The following TH variants were observed in gnomAD, a reference collection of about 807,000 sequenced individuals.
TH encodes the protein tyrosine hydroxylase.
TH carries 49 observed loss-of-function variants against 57.4 expected under a neutral mutation model. The ratio of observed to expected loss-of-function variants is 0.85; its 90% confidence interval spans 0.68 to 1.08. The LOEUF (loss-of-function observed/expected upper bound fraction) is 1.08, where lower values mean the gene tolerates loss of function less well. Ranked by LOEUF, TH falls within the 50% of genes least tolerant of loss-of-function variation. The pLI, the probability that TH is intolerant of heterozygous loss-of-function variation, is 0.00. For missense variants in TH, 720 were observed against 696.7 expected, an observed-to-expected ratio of 1.03 and a Z score of -0.38; for synonymous variants, 330 against 304.5, an observed-to-expected ratio of 1.08 and a Z score of -0.87.
At chr11:2,166,301 C>A (rs1846088209) in intron 9 of TH, 179 bp downstream of exon 9, 1 of 959,618 alleles carries the variant, frequency 1.0e-6, no homozygotes, top group Non-Finnish European at 1.5e-6. Flanking sequence ...GCAGCACAGG[C>A]CGTGGGAGGC....
At chr11:2,168,251 G>A in intron 3 of TH, 72 bp from the exon 4 acceptor site, 1 of 1,535,022 alleles carries the variant, frequency 6.5e-7, no homozygotes, top group Admixed American at 1.7e-5. Flanking sequence ...CCTTGAAGCA[G>A]CCTCCCCTAC....
At position 2,170,774 on chromosome 11, in the gene TH, G is replaced by T. The variant is rs1036726742; in HGVS notation, c.91-903C>A. On this transcript the variant is annotated intron_variant, in intron 1 of 12. Transcript: ENST00000352909. This position sits in a 1 kb window ranked among gnomAD's most constrained non-coding sequence, Gnocchi z 6.0. ...TGAGGCTGGGCCCCGGGGCGCCCTG[G>T]GGAGGGGATGCCTGATGGGGAGCCT... is the stretch of plus-strand genomic sequence containing the variant. The T allele has an allele frequency of 6.4e-7, 1 of 1,554,516 alleles. No individual in the cohort carries two copies. Among genetic ancestry groups the T allele is most frequent in the Non-Finnish European group, 8.6e-7 (1 of 1,156,336 alleles).
In TH at chr11:2,168,571, A is replaced by T. The variant is rs1590169802; in HGVS notation, c.407T>A (p.Val136Glu). The change falls in exon 3 of 13, where the codon GTG becomes GAG. Residue 136 changes from valine to glutamate, a missense_variant. Transcript: ENST00000352909. Reference sequence around the variant, plus strand: ...CAGGGCGGCCAGGTCCCCTCGGCGCACCTCGAGGCGCACGAAGTACTCCAG... The same window carrying T: ...CAGGGCGGCCAGGTCCCCTCGGCGCTCCTCGAGGCGCACGAAGTACTCCAG... ...PHLEYFVRLEVRRGDLAALLS... is the reference protein window; with the variant it reads ...PHLEYFVRLEERRGDLAALLS... 2 of 1,611,690 alleles carry T rather than the reference A, an allele frequency of 1.2e-6. No homozygotes were observed. The highest frequency in any genetic ancestry group is 4.5e-5 in the East Asian group (2 of 44,826).
Position 2,168,573 on chromosome 11 carries a change from CT to C in TH, c.404del (p.Glu135GlyfsTer71). ...GPHLEYFVRL[E>X]VRRGDLAALL... is the part of the protein sequence containing the mutation. ...GGGCGGCCAGGTCCCCTCGGCGCACCTCGAGGCGCACGAAGTACTCCAGGTG... is the reference window on the plus strand; with the variant it reads ...GGGCGGCCAGGTCCCCTCGGCGCACCCGAGGCGCACGAAGTACTCCAGGTG... On this transcript the variant is annotated frameshift_variant, in exon 3 of 13. Transcript: ENST00000352909. LOFTEE classifies it high-confidence loss of function. 1.9e-6 allele frequency: 3 copies of C among 1,611,840 alleles called. No homozygotes were observed. Among genetic ancestry groups the C allele is most frequent in the Non-Finnish European group, 2.5e-6 (3 of 1,179,680 alleles).
Position 2,166,563 on chromosome 11 carries a change from G to A in TH, c.978-14C>T, listed in dbSNP as rs781570336. The A allele has an allele frequency of 6.3e-7, 1 of 1,598,542 alleles. No homozygotes were observed. The highest frequency in any genetic ancestry group is 8.5e-7 in the Non-Finnish European group (1 of 1,174,662). ...TGGCAGCAGTCCCTGCGCGTAGGAG[G>A]GAGAAGGGGGCTGAGGGGCCGCCCG... On this transcript the variant is annotated splice_polypyrimidine_tract_variant and intron_variant, in intron 8 of 12. Transcript: ENST00000352909.
At position 2,164,117 on chromosome 11, in the gene TH, C is replaced by A; in HGVS notation, c.*116G>T. 1.0e-6 allele frequency: 1 copy of A among 962,432 alleles called. No homozygotes were observed. The allele number at this position is 962,432 out of a possible 1,614,324, so 59.6% of individuals were successfully genotyped here. ...AAGCAGGTGCAGGGGCAGTGGGAGC[C>A]TGGCAGCAGGGAGGGCATGGGGGGC... On this transcript the variant is annotated 3_prime_UTR_variant, in exon 13 of 13. Coordinates refer to ENST00000352909, the MANE Select transcript of TH (RefSeq NM_000360.4).
Position 2,164,100 on chromosome 11 carries a change from G to A in TH, c.*133C>T. 1 of 777,766 alleles carries A rather than the reference G, an allele frequency of 1.3e-6. No individual in the cohort carries two copies. Among genetic ancestry groups the A allele is most frequent in the Non-Finnish European group, 1.8e-6 (1 of 553,272 alleles). The allele number at this position is 777,766 out of a possible 1,614,324, so 48.2% of individuals were successfully genotyped here. A position where few individuals can be genotyped will look rare whatever the true frequency, so the allele number is the denominator to read the frequency against. ...ACAGCTGTTGCGCTGAGAAGCAGGT[G>A]CAGGGGCAGTGGGAGCCTGGCAGCA... On this transcript the variant is annotated 3_prime_UTR_variant, in exon 13 of 13. Transcript: ENST00000352909.
At chr11:2,165,498 C>T in intron 11 of TH, 133 bp from the exon 12 acceptor site, 1 of 1,453,432 alleles carries the variant, frequency 6.9e-7, no homozygotes, top group East Asian at 2.4e-5. Flanking sequence ...CCTTCGGAGG[C>T]CTGGGATAAT....
At chr11:2,168,849 G>C in intron 2 of TH, 184 bp from the exon 3 acceptor site, 2 of 756,206 alleles carry the variant, frequency 2.6e-6, no homozygotes, top group Non-Finnish European at 4.3e-6. Flanking sequence ...ACCAGGCCAG[G>C]GTTTGCCACT....
At chr11:2,167,664 G>C (rs1218306185) in intron 5 of TH, 179 bp from the exon 6 acceptor site, 2 of 1,064,808 alleles carry the variant, frequency 1.9e-6, no homozygotes, top group Non-Finnish European at 2.7e-6. Context: ...ATGTGGCCTC[G>C]GCAGGTTGCT....
rs1285403742 is a variant in TH, at chr11:2,166,975, G to C, written c.753C>G (p.His251Gln). The change falls in exon 7 of 13, where the codon CAC (histidine) becomes CAG (glutamine). Residue 251 changes from histidine to glutamine, a missense_variant. Physicochemically the swap from His to Gln is conservative, Grantham distance 24. Coordinates refer to ENST00000352909, the MANE Select transcript of TH (RefSeq NM_000360.4). Reference protein sequence around the residue: ...GLYATHACGEHLEAFALLERF... With the variant: ...GLYATHACGEQLEAFALLERF... ...GCTCCAGCAAAGCAAAGGCCTCCAG[G>C]TGCTCCCCGCAGGCGTGCGTGGCGT... The C allele has an allele frequency of 1.3e-6, 2 of 1,593,670 alleles. No individual in the cohort carries two copies. The highest frequency in any genetic ancestry group is 4.6e-5 in the East Asian group (2 of 43,922).
At position 2,167,928 on chromosome 11, in the gene TH, G is replaced by A. The variant is rs555133070; in HGVS notation, c.582C>T (p.Phe194=). ...TGCGCTGGCGGTACACCTGGTCCGAGAAGCCCTGAGGGCAGAGGGGATGCA... is the reference window on the plus strand; with the variant it reads ...TGCGCTGGCGGTACACCTGGTCCGAAAAGCCCTGAGGGCAGAGGGGATGCA... ...DPDLDLDHPG[F]SDQVYRQRRK... The change falls in exon 5 of 13, where the codon TTC becomes TTT. Residue 194 remains phenylalanine, a synonymous_variant. Transcript: ENST00000352909. The A allele has an allele frequency of 6.2e-7, 1 of 1,611,684 alleles. No homozygotes were observed. The highest frequency in any genetic ancestry group is 2.2e-5 in the East Asian group (1 of 44,830).
chr11:2,164,423 AC>A, intron 12 of TH, 31 bp from the exon 13 acceptor site: 3 of 1,541,530 alleles, frequency 1.9e-6, no homozygotes, highest in Non-Finnish European at 2.6e-6. Flanking sequence ...GCCCTCGTCA[AC>A]TGGCGGGCAG....
chr11:2,167,841 G>T (rs1172486007), intron 5 of TH, 25 bp downstream of exon 5: 2 of 1,583,056 alleles, frequency 1.3e-6, no homozygotes, highest in Admixed American at 1.8e-5. Context: ...ACGGAGTCTG[G>T]GTCCCGAGCG....
In TH at chr11:2,169,869, G is replaced by A. The variant is rs1217960145; in HGVS notation, c.93C>T (p.Ser31=). Residue 31 remains serine, a splice_region_variant and synonymous_variant, in exon 2 of 13, where the codon TCC becomes TCT. Coordinates refer to ENST00000352909, the MANE Select transcript of TH (RefSeq NM_000360.4). ...TCTGCCTGCGCCCAATGAACCGCGGGGACTGTGGGGACAAGGGGCACCCAT... is the reference window on the plus strand; with the variant it reads ...TCTGCCTGCGCCCAATGAACCGCGGAGACTGTGGGGACAAGGGGCACCCAT... The part of the protein sequence containing the change: ...LDAKQAEAIM[S]PRFIGRRQSL... The A allele has an allele frequency of 6.2e-7, 1 of 1,608,450 alleles. No individual in the cohort carries two copies. The highest frequency in any genetic ancestry group is 1.7e-5 in the Admixed American group (1 of 59,796).
rs373255453 is a variant in TH at position 2,171,647 on chromosome 11, C to T, written c.90+50G>A. On this transcript the variant is annotated intron_variant, in intron 1 of 12. Coordinates refer to ENST00000352909, the MANE Select transcript of TH (RefSeq NM_000360.4). This position sits in a 1 kb window ranked among gnomAD's most constrained non-coding sequence, Gnocchi z 8.6. ...GAGTAGCAGAGGCAGCTGGCACCAG[C>T]CCTGGGCTCCGGTCCACTGCGGCCG... 4.2e-5 allele frequency: 67 copies of T among 1,594,614 alleles called. No individual in the cohort carries two copies. The highest frequency in any genetic ancestry group is 5.2e-5 in the Non-Finnish European group (61 of 1,170,888).
intron 10 of TH, 67 bp downstream of exon 10, chr11:2,165,935 G>A (rs1036128928): frequency 2.0e-6 from 3 of 1,529,950 alleles, no homozygotes; most frequent in East Asian, 2.4e-5. Flanking sequence ...TGGACGGCAA[G>A]AGGGTGAGGC....
At position 2,166,518 on chromosome 11, in the gene TH, G is replaced by A. The variant is rs1286608620; in HGVS notation, c.1009C>T (p.Pro337Ser). Residue 337 changes from proline (P) to serine (S), a missense_variant, in exon 9 of 13, where the codon CCC (proline) becomes TCC (serine). By Grantham distance (74) the Pro-to-Ser change is moderately conservative. Transcript: ENST00000352909. ...DCCHELLGHV[P>S]MLADRTFAQF... ...GCGAAGGTGCGGTCGGCCAGCATGG[G>A]CACGTGCCCCAGCAGCTCGTGGCAG... 1 of 1,601,240 alleles carries A rather than the reference G, an allele frequency of 6.2e-7. No individual in the cohort carries two copies. Among genetic ancestry groups the A allele is most frequent in the South Asian group, 1.1e-5 (1 of 89,766 alleles).
At chr11:2,165,136 G>A (rs1846051134) in intron 12 of TH, 96 bp downstream of exon 12, 1 of 1,584,004 alleles carries the variant, frequency 6.3e-7, no homozygotes, top group African/African-American at 1.3e-5. Flanking sequence ...CTGTGACCTG[G>A]GCTCACAGGT....
Sources: gnomAD v4.1 joint callset for allele counts on GRCh38, gnomAD v4.1.1 for gene constraint, Gnocchi (gnomAD v3.1) non-coding constraint, MANE v1.5 for transcripts, NCBI Gene and HGNC (gene_info 2026-07-23, HGNC 2026-07-21) for gene names.